Variants in PRKN observed in about 807,000 individuals in gnomAD.
PRKN encodes the protein parkin RBR E3 ubiquitin protein ligase.
In PRKN, 56 loss-of-function variants were observed where a neutral mutation model predicts 59.5. The ratio of observed to expected loss-of-function variants is 0.94; its 90% CI spans 0.76 to 1.18. The LOEUF (loss-of-function observed/expected upper bound fraction) is 1.18, where lower values mean the gene tolerates loss of function less well. Among genes scored for constraint, PRKN ranks in the 50% most tolerant of loss-of-function variants. The probability of loss-of-function intolerance (pLI) is 0.00; values close to 1 mark genes in which losing one functional copy is unlikely to be tolerated. For missense variants in PRKN, 657 were observed against 596.4 expected (o/e 1.10, Z -1.06); for synonymous variants, 250 against 222.1 (o/e 1.13, Z -1.12).
chr6:162,534,981 T>C (rs7773190), intron 1 of PRKN, among the ~76,000 whole-genome samples: 2 of 129,062 alleles, frequency 1.5e-5, no homozygotes, highest in Admixed American at 7.7e-5. Context: ...CTTCCCCAGT[T>C]CTCTTCCTTC....
chr6:162,497,598 T>C (rs1793123826), intron 1 of PRKN, among the ~76,000 whole-genome samples: 1 of 152,348 alleles, frequency 6.6e-6, no homozygotes, highest in South Asian at 2.1e-4. Context: ...CAGCTCATTT[T>C]GTGCAGCAGA....
At chr6:161,650,847 T>G (rs1206793326) in intron 7 of PRKN, among the ~76,000 whole-genome samples, 2 of 152,198 alleles carry the variant, frequency 1.3e-5, no homozygotes, top group Non-Finnish European at 2.9e-5. Context: ...GCATCTCACC[T>G]TCCTGGCTAC....
intron 4 of PRKN, among the ~76,000 whole-genome samples, chr6:162,086,134 A>G (rs1779237677): frequency 6.6e-6 from 1 of 152,026 alleles, no homozygotes; most frequent in Non-Finnish European, 1.5e-5. Flanking sequence ...TAAAAATTAT[A>G]CTCTTTCATT....
chr6:161,581,565 T>G lies in PRKN; in HGVS notation c.872-12149A>C, dbSNP rs1310075259. 1.3e-5 allele frequency among the ~76,000 whole-genome samples: 2 copies of G among 152,176 alleles called. No individual in the cohort carries two copies. The highest frequency in any genetic ancestry group is 2.9e-5 in the Non-Finnish European group (2 of 68,040). On this transcript the variant is annotated intron_variant, in intron 7 of 11. Coordinates refer to ENST00000366898, the MANE Select transcript of PRKN (RefSeq NM_004562.3). This position sits in a 1 kb window ranked among gnomAD's most constrained non-coding sequence, Gnocchi z 4.5. ...TGCTGAAGTCTGAGGTTTGAGTCAC[T>G]GGACAATCAGAAGCAAAGACTTACT...
intron 4 of PRKN, among the ~76,000 whole-genome samples, chr6:162,107,452 G>A (rs1007796690): frequency 5.9e-5 from 9 of 152,190 alleles, no homozygotes; most frequent in East Asian, 3.9e-4. Context: ...GCGACAGAGC[G>A]AGACTCTGTC....
intron 9 of PRKN, among the ~76,000 whole-genome samples, chr6:161,426,166 C>G (rs984172655): frequency 2.6e-5 from 4 of 152,032 alleles, no homozygotes; most frequent in Non-Finnish European, 4.4e-5. Flanking sequence ...TTGTAAAAAG[C>G]AAGAGAGAAA....
In PRKN at chr6:161,956,886, G is replaced by A. The variant is rs147064888; in HGVS notation, c.734+16416C>T. Among the ~76,000 whole-genome samples, 395 of 152,218 alleles carry A rather than the reference G, an allele frequency of 2.6e-3. 3 individuals are homozygous for A. Among genetic ancestry groups the A allele is most frequent in the African/African-American group, 9.1e-3 (376 of 41,538 alleles). Reference sequence around the variant, plus strand: ...TATAATATAATTACTGTAGCTATTAGTGATTTGAAAGGCCACTTTCTTGGA... The same window carrying A: ...TATAATATAATTACTGTAGCTATTAATGATTTGAAAGGCCACTTTCTTGGA... On this transcript the variant is annotated intron_variant, in intron 6 of 11. Coordinates refer to ENST00000366898, the MANE Select transcript of PRKN (RefSeq NM_004562.3).
At chr6:161,868,496 A>T (rs1364139756) in intron 6 of PRKN, among the ~76,000 whole-genome samples, 1 of 152,042 alleles carries the variant, frequency 6.6e-6, no homozygotes, top group Non-Finnish European at 1.5e-5. Flanking sequence ...CAGGAGAATC[A>T]CTTAAACCCA....
chr6:161,716,300 T>C (rs1327478502), intron 7 of PRKN, among the ~76,000 whole-genome samples: 1 of 152,262 alleles, frequency 6.6e-6, no homozygotes, highest in Non-Finnish European at 1.5e-5. Flanking sequence ...TCTGGGCCTC[T>C]GCTGTTTCTC....
At position 161,545,231 on chromosome 6, in the gene PRKN, C is replaced by G; in HGVS notation, c.1083+3623G>C. 6 of 1,336,984 alleles carry G rather than the reference C, an allele frequency of 4.5e-6. No homozygotes were observed. Among genetic ancestry groups the G allele is most frequent in the Non-Finnish European group, 5.7e-6 (6 of 1,044,006 alleles). 82.8% of individuals were successfully genotyped at this position (1,336,984 alleles called of 1,614,324 possible). On this transcript the variant is annotated intron_variant, in intron 9 of 11. Coordinates refer to ENST00000366898, the MANE Select transcript of PRKN (RefSeq NM_004562.3). The surrounding 1 kb of genome is among the most constrained non-coding windows in gnomAD (Gnocchi z 4.1). ...ATAATTGAGGGAAAAAAAAATTAAGCACGGGTGAATTCACAGGCATCTTAC... is the reference window on the plus strand; with the variant it reads ...ATAATTGAGGGAAAAAAAAATTAAGGACGGGTGAATTCACAGGCATCTTAC...
At position 161,400,165 on chromosome 6, in the gene PRKN, C is replaced by G. The variant is rs557690862; in HGVS notation, c.1084-13288G>C. Among the ~76,000 whole-genome samples the G allele has an allele frequency of 5.3e-5, 8 of 152,148 alleles. No individual in the cohort carries two copies. The highest frequency in any genetic ancestry group is 1.3e-4 in the Admixed American group (2 of 15,300). ...GCTGGACTGCGCAGGTCTACAAGGA[C>G]CCTGCTGTCTGAGGACTCCTTGCAC... On this transcript the variant is annotated intron_variant, in intron 9 of 11. Coordinates refer to ENST00000366898, the MANE Select transcript of PRKN (RefSeq NM_004562.3). This position sits in a 1 kb window ranked among gnomAD's most constrained non-coding sequence, Gnocchi z 4.2.
chr6:161,645,302 C>A (rs555303556), intron 7 of PRKN, among the ~76,000 whole-genome samples: 2 of 151,568 alleles, frequency 1.3e-5, no homozygotes, highest in Non-Finnish European at 2.9e-5. Flanking sequence ...GATGTAGATG[C>A]TTAACTTAAA....
intron 7 of PRKN, among the ~76,000 whole-genome samples, chr6:161,750,098 C>CATATATATATATATATATATATAT (rs72125109): frequency 2.8e-5 from 4 of 145,112 alleles, no homozygotes; most frequent in African/African-American, 7.8e-5. Context: ...ACACATAGGA[C>CATATATATATATATATATATATAT]ATATATATAT....
chr6:162,028,361 C>T (rs767230612), intron 5 of PRKN, among the ~76,000 whole-genome samples: 8 of 152,128 alleles, frequency 5.3e-5, no homozygotes, highest in Non-Finnish European at 4.4e-5. Context: ...TTTTAGTTAA[C>T]ACAAAGTGAA....
intron 2 of PRKN, among the ~76,000 whole-genome samples, chr6:162,366,602 G>A (rs551306430): frequency 4.3e-4 from 66 of 152,220 alleles, no homozygotes; most frequent in African/African-American, 1.5e-3. Flanking sequence ...ATAAAGTGGT[G>A]TTTATAAAAA....
At chr6:162,471,918 TGAA>T (rs1191932294) in intron 1 of PRKN, among the ~76,000 whole-genome samples, 2 of 152,220 alleles carry the variant, frequency 1.3e-5, no homozygotes, top group Non-Finnish European at 2.9e-5. Context: ...GTCCTCCGAT[TGAA>T]GAAGATCTAA....
chr6:161,528,014 TGAAAAGACA>T (rs1779075164), intron 9 of PRKN, among the ~76,000 whole-genome samples: 1 of 152,216 alleles, frequency 6.6e-6, no homozygotes, highest in African/African-American at 2.4e-5. Flanking sequence ...AATCTGAGAT[TGAAAAGACA>T]GAAAAGATAG....
intron 4 of PRKN, among the ~76,000 whole-genome samples, chr6:162,081,196 C>T (rs1361050911): frequency 6.6e-6 from 1 of 151,990 alleles, no homozygotes; most frequent in Non-Finnish European, 1.5e-5. Flanking sequence ...ATATTTTGAC[C>T]TCCACTCATG....
intron 1 of PRKN, among the ~76,000 whole-genome samples, chr6:162,479,957 T>C (rs1041129984): frequency 1.3e-4 from 20 of 151,640 alleles, no homozygotes; most frequent in African/African-American, 4.8e-4. Flanking sequence ...CTCAGCTACT[T>C]GGGAGGCTGA....
Sources: gnomAD v4.1 joint callset for allele counts (sites outside exome capture counted in the v4.1 genomes callset) on GRCh38, gnomAD v4.1.1 for gene constraint, Gnocchi (gnomAD v3.1) non-coding constraint, MANE v1.5 for transcripts, NCBI Gene and HGNC (gene_info 2026-07-23, HGNC 2026-07-21) for gene names.